Variants in RFX3 observed in about 807,000 individuals in gnomAD.
RFX3 encodes the protein transcription factor RFX3.
In RFX3, 14 loss-of-function variants were observed where a neutral mutation model predicts 98.6. The observed-to-expected ratio is 0.14, with a 90% CI of 0.09 to 0.22. The LOEUF (loss-of-function observed/expected upper bound fraction) is 0.22. RFX3 is among the 10% of genes least tolerant of loss of function. The pLI is 1.00. For synonymous variants in RFX3, 383 were observed against 328.4 expected, an observed-to-expected ratio of 1.17 and a Z score of -1.80; for missense variants, 639 against 926.9, an observed-to-expected ratio of 0.69 and a Z score of 4.03.
intron 1 of RFX3, among the ~76,000 whole-genome samples, chr9:3,500,667 T>C (rs1306120795): frequency 2.0e-5 from 3 of 152,296 alleles, no homozygotes; most frequent in Admixed American, 6.5e-5. Context: ...CTTTTAAAAG[T>C]AATTAAAATT....
chr9:3,294,098 CAA>C lies in RFX3; in HGVS notation c.550-842_550-841del, dbSNP rs1327957412. On this transcript the variant is annotated intron_variant, in intron 5 of 16. Coordinates refer to ENST00000617270, the MANE Select transcript of RFX3 (RefSeq NM_001282116.2). ...CAAGAAAATTTTAGAAAATTGAATCCAAGTCTATATTATTGAATTTTAACATT... is the reference window on the plus strand; with the variant it reads ...CAAGAAAATTTTAGAAAATTGAATCCGTCTATATTATTGAATTTTAACATT... Among the ~76,000 whole-genome samples the C allele has an allele frequency of 3.9e-5, 6 of 152,098 alleles. No individual in the cohort carries two copies. In the East Asian group the frequency reaches 1.2e-3, roughly 29 times the overall value.
intron 2 of RFX3, among the ~76,000 whole-genome samples, chr9:3,379,402 G>C (rs1364144069): frequency 6.6e-6 from 1 of 152,070 alleles, no homozygotes; most frequent in Non-Finnish European, 1.5e-5. Context: ...GGACCAACTA[G>C]TACAATGAAG....
intron 4 of RFX3, among the ~76,000 whole-genome samples, chr9:3,329,184 G>C (rs1832283544): frequency 6.6e-6 from 1 of 151,762 alleles, no homozygotes; most frequent in African/African-American, 2.4e-5. Flanking sequence ...AGGAGGGTGG[G>C]TTACCGAAGG....
At chr9:3,324,943 G>A (rs2130802757) in intron 4 of RFX3, among the ~76,000 whole-genome samples, 1 of 152,036 alleles carries the variant, frequency 6.6e-6, no homozygotes, top group South Asian at 2.1e-4. Context: ...CAGCCTGGGT[G>A]GCAGAGTGAG....
chr9:3,517,823 A>G (rs984166497), intron 1 of RFX3, among the ~76,000 whole-genome samples: 1 of 152,226 alleles, frequency 6.6e-6, no homozygotes, highest in African/African-American at 2.4e-5. Flanking sequence ...CAGTCAGATG[A>G]GTAGAAATTG....
chr9:3,313,011 G>A (rs774871093), intron 4 of RFX3, among the ~76,000 whole-genome samples: 1 of 152,224 alleles, frequency 6.6e-6, no homozygotes, highest in Admixed American at 6.5e-5. Flanking sequence ...GCTTTGAAGA[G>A]AGTAGTGGTT....
chr9:3,233,267 T>C (rs1239721391), intron 15 of RFX3, among the ~76,000 whole-genome samples: 1 of 152,186 alleles, frequency 6.6e-6, no homozygotes, highest in Non-Finnish European at 1.5e-5. Context: ...GCAGGATCCC[T>C]GAGAGACCCT....
chr9:3,515,329 G>C (rs1818049201), intron 1 of RFX3, among the ~76,000 whole-genome samples: 1 of 151,892 alleles, frequency 6.6e-6, no homozygotes, highest in Non-Finnish European at 1.5e-5. Context: ...TTGATTCTTT[G>C]GAAAAAAGGA....
intron 2 of RFX3, 98 bp downstream of exon 2, chr9:3,395,374 C>G (rs1190453136): frequency 7.2e-7 from 1 of 1,390,754 alleles, no homozygotes; most frequent in Non-Finnish European, 1.0e-6. Flanking sequence ...CCTATCATAG[C>G]AAGACAGTAA....
intron 1 of RFX3, among the ~76,000 whole-genome samples, chr9:3,418,202 TA>T (rs1843138160): frequency 1.3e-5 from 2 of 152,174 alleles, no homozygotes; most frequent in Non-Finnish European, 2.9e-5. Context: ...TTCTCAACTG[TA>T]AAATAAGAAT....
chr9:3,392,201 A>G (rs1840387757), intron 2 of RFX3, among the ~76,000 whole-genome samples: 2 of 152,196 alleles, frequency 1.3e-5, no homozygotes, highest in Non-Finnish European at 2.9e-5. Context: ...TAAAATATGG[A>G]TAAACACCCA....
intron 1 of RFX3, among the ~76,000 whole-genome samples, chr9:3,429,257 C>T (rs941812238): frequency 1.3e-5 from 2 of 150,886 alleles, no homozygotes; most frequent in Admixed American, 6.6e-5. Context: ...CTCCTGACCT[C>T]GTGATCCGCC....
At chr9:3,435,330 A>G (rs1249923206) in intron 1 of RFX3, among the ~76,000 whole-genome samples, 1 of 152,116 alleles carries the variant, frequency 6.6e-6, no homozygotes, top group Non-Finnish European at 1.5e-5. Context: ...TACACTGTAC[A>G]GCTGTACTAA....
rs539853819 is a variant in RFX3 at position 3,525,568 on chromosome 9, A to G, written c.-9+179T>C. On this transcript the variant is annotated intron_variant, in intron 1 of 16. Coordinates refer to ENST00000617270, the MANE Select transcript of RFX3 (RefSeq NM_001282116.2). ...CCGCGGCGCGCAGGGTCCATTGTAA[A>G]CAAGCCCGGGGAACAGAGCCCCTCG... is the stretch of plus-strand genomic sequence containing the variant. 2.8e-4 allele frequency among the ~76,000 whole-genome samples: 43 copies of G among 151,976 alleles called. No individual in the cohort carries two copies. The South Asian group carries it at 5.4e-3, about 19-fold the overall frequency.
chr9:3,475,172 T>C (rs1475991151), intron 1 of RFX3, among the ~76,000 whole-genome samples: 2 of 150,766 alleles, frequency 1.3e-5, no homozygotes, highest in East Asian at 2.0e-4. Flanking sequence ...TAAACAGTTA[T>C]AAATGGATGC....
At chr9:3,278,891 ACTC>A (rs371870144) in intron 7 of RFX3, among the ~76,000 whole-genome samples, 31 of 151,906 alleles carry the variant, frequency 2.0e-4, no homozygotes, top group African/African-American at 4.3e-4. Context: ...TTTAGTGATG[ACTC>A]CTCATTACAA....
At chr9:3,274,765 C>T (rs767203109) in intron 9 of RFX3, among the ~76,000 whole-genome samples, 8 of 152,188 alleles carry the variant, frequency 5.3e-5, no homozygotes, top group African/African-American at 9.6e-5. Flanking sequence ...TCTCTCCCCT[C>T]TAACTCCCAG....
In RFX3 at chr9:3,263,018, C is replaced by T. The variant is rs1823122973; in HGVS notation, c.1522G>A (p.Ala508Thr). Residue 508 changes from alanine (A) to threonine (T), a missense_variant, in exon 13 of 17, where the codon GCA becomes ACA. By Grantham distance (58) the Ala-to-Thr change is moderately conservative. Coordinates refer to ENST00000617270, the MANE Select transcript of RFX3 (RefSeq NM_001282116.2). The stretch of plus-strand genomic sequence containing the variant: ...GTGTTCTGAAGCACTGCACGAGCTG[C>T]CTGGGCCAGGTGATTAAGCGACGTG... ...RYTSLNHLAQ[A>T]ARAVLQNTSQ... The T allele has an allele frequency of 6.2e-7, 1 of 1,613,750 alleles. No individual in the cohort carries two copies. Among genetic ancestry groups the T allele is most frequent in the African/African-American group, 1.3e-5 (1 of 74,892 alleles).
chr9:3,465,461 T>A (rs1848123218), intron 1 of RFX3, among the ~76,000 whole-genome samples: 1 of 149,490 alleles, frequency 6.7e-6, no homozygotes, highest in African/African-American at 2.5e-5. Context: ...CAGGTAACTT[T>A]TTTTTTTTTT....
Sources: gnomAD v4.1 joint callset for allele counts (sites outside exome capture counted in the v4.1 genomes callset) on GRCh38, gnomAD v4.1.1 for gene constraint, MANE v1.5 for transcripts, NCBI Gene and HGNC (gene_info 2026-07-23, HGNC 2026-07-21) for gene names.